Variants in PLXNA4 observed in about 807,000 individuals in gnomAD.
PLXNA4 encodes the protein plexin-A4.
PLXNA4 carries 44 observed loss-of-function variants against 191.8 expected under a neutral mutation model. The observed-to-expected ratio is 0.23, with a 90% confidence interval of 0.18 to 0.29. The LOEUF is 0.29. PLXNA4 is among the 10% of genes least tolerant of loss of function. PLXNA4 has a pLI of 1.00. For synonymous variants in PLXNA4, 1,082 were observed against 1,009.5 expected (o/e 1.07, Z -1.36); for missense variants, 1,800 against 2,488.8 (o/e 0.72, Z 5.89).
intron 25 of PLXNA4, among the ~76,000 whole-genome samples, chr7:132,154,281 C>T (rs1401582585): frequency 6.6e-6 from 1 of 152,142 alleles, no homozygotes; most frequent in Non-Finnish European, 1.5e-5. Flanking sequence ...CCTTCAACAC[C>T]TGGCCACGCT....
intron 3 of PLXNA4, among the ~76,000 whole-genome samples, chr7:132,486,078 G>A (rs939344227): frequency 6.6e-6 from 1 of 151,962 alleles, no homozygotes; most frequent in Non-Finnish European, 1.5e-5. Context: ...CCAGTCTCTT[G>A]TCATACCGTA....
rs575280402 is a variant in PLXNA4 at position 132,166,707 on chromosome 7, C to T, written c.4287-1507G>A. Reference sequence around the variant, plus strand: ...GCAAGAGCATCCAGGAGAACAGGAACGGAAAACAAGGGGAGGAGACACAGA... The same window carrying T: ...GCAAGAGCATCCAGGAGAACAGGAATGGAAAACAAGGGGAGGAGACACAGA... On this transcript the variant is annotated intron_variant, in intron 22 of 31. Coordinates refer to ENST00000321063, the MANE Select transcript of PLXNA4 (RefSeq NM_020911.2). Among the ~76,000 whole-genome samples the T allele has an allele frequency of 1.1e-3, 168 of 150,568 alleles. 1 individual carries two copies. Among genetic ancestry groups the T allele is most frequent in the Non-Finnish European group, 1.9e-3 (128 of 67,870 alleles).
At position 132,441,652 on chromosome 7, in the gene PLXNA4, G is replaced by A. The variant is rs552656006; in HGVS notation, c.1371+47640C>T. 7.2e-5 allele frequency among the ~76,000 whole-genome samples: 11 copies of A among 152,136 alleles called. No individual in the cohort carries two copies. In the South Asian group the frequency reaches 1.9e-3, roughly 26 times the overall value. On this transcript the variant is annotated intron_variant, in intron 3 of 31. Transcript: ENST00000321063. ...GAATTCTTTTTTAAACCCTGCATTC[G>A]GAGTCTATTTCATGCCTTTTTACAT...
At chr7:132,544,071 A>C (rs76631125) in intron 1 of PLXNA4, among the ~76,000 whole-genome samples, 64 of 152,356 alleles carry the variant, frequency 4.2e-4, no homozygotes, top group Non-Finnish European at 5.7e-4. Flanking sequence ...TTTGCCCATT[A>C]ACTGAGAGTG....
intron 14 of PLXNA4, 105 bp downstream of exon 14, chr7:132,193,957 G>C (rs895109837): frequency 2.1e-6 from 3 of 1,428,362 alleles, no homozygotes; most frequent in Non-Finnish European, 2.8e-6. Flanking sequence ...TTGCAGGGCA[G>C]GCCCTTGCCC....
chr7:132,174,651 G>A, intron 21 of PLXNA4, 127 bp downstream of exon 21: 1 of 1,429,686 alleles, frequency 7.0e-7, no homozygotes. Flanking sequence ...TGACAATCTG[G>A]GGGACCTTGG....
chr7:132,451,134 G>A (rs918785464), intron 3 of PLXNA4, among the ~76,000 whole-genome samples: 12 of 152,160 alleles, frequency 7.9e-5, no homozygotes, highest in African/African-American at 2.2e-4. Context: ...AGGAAGGAGC[G>A]TGAGGCCAGG....
At chr7:132,383,990 G>A in intron 3 of PLXNA4, 1 of 985,402 alleles carries the variant, frequency 1.0e-6, no homozygotes, top group Non-Finnish European at 1.2e-6. Flanking sequence ...TCCCTATGCA[G>A]GTGCACATGG....
intron 2 of PLXNA4, among the ~76,000 whole-genome samples, chr7:132,586,458 T>C (rs1398793605): frequency 1.3e-5 from 2 of 152,224 alleles, no homozygotes; most frequent in Admixed American, 6.5e-5. Flanking sequence ...TTTGAAAATA[T>C]ATGGCACTCA....
chr7:132,162,454 T>G (rs1795979106), intron 24 of PLXNA4, among the ~76,000 whole-genome samples: 1 of 152,176 alleles, frequency 6.6e-6, no homozygotes, highest in Non-Finnish European at 1.5e-5. Flanking sequence ...CTGTGGCCTC[T>G]GGAACAAAGG....
rs759964746 is a variant in PLXNA4, at chr7:132,489,304, G to A, written c.1359C>T (p.Gly453=). ...HSLAFVGTKS[G]KLKKIRVDGP... ...ACCTCATTCCTACCTTCTTCAGCTTGCCACTTTTGGTGCCCACAAAGGCCA... is the reference window on the plus strand; with the variant it reads ...ACCTCATTCCTACCTTCTTCAGCTTACCACTTTTGGTGCCCACAAAGGCCA... The change falls in exon 3 of 32, where the codon GGC becomes GGT. Residue 453 remains glycine (G), a synonymous_variant. Transcript: ENST00000321063. The A allele has an allele frequency of 3.8e-6, 6 of 1,584,028 alleles. No homozygotes were observed.
At chr7:132,418,948 AC>A (rs1794754617) in intron 3 of PLXNA4, among the ~76,000 whole-genome samples, 1 of 152,116 alleles carries the variant, frequency 6.6e-6, no homozygotes, top group Non-Finnish European at 1.5e-5. Context: ...TGTATCCGTG[AC>A]ACTTTTGGCA....
At chr7:132,299,023 C>T (rs1255560901) in intron 3 of PLXNA4, among the ~76,000 whole-genome samples, 5 of 152,238 alleles carry the variant, frequency 3.3e-5, no homozygotes, top group African/African-American at 1.2e-4. Context: ...ATGAGCTTTC[C>T]AACCCTACAT....
In PLXNA4 at chr7:132,181,390, G is replaced by A; in HGVS notation, c.3483C>T (p.Ile1161=). 6.2e-7 allele frequency: 1 copy of A among 1,610,036 alleles called. No homozygotes were observed. The highest frequency in any genetic ancestry group is 8.5e-7 in the Non-Finnish European group (1 of 1,177,582). Residue 1161 remains isoleucine, a synonymous_variant, in exon 18 of 32, where the codon ATC becomes ATT. Transcript: ENST00000321063. The stretch of plus-strand genomic sequence containing the variant: ...ACCACCCTCACTCCACCTTTAGGAT[G>A]ATGGGCGTGCCAGGCTTGAGCTCCA... ...GILELKPGTP[I]ILKGKNLIPP...
chr7:132,594,810 C>G (rs2116831326), intron 2 of PLXNA4, among the ~76,000 whole-genome samples: 1 of 152,252 alleles, frequency 6.6e-6, no homozygotes, highest in South Asian at 2.1e-4. Flanking sequence ...TCTTCAGGCA[C>G]TGAGCCCTGG....
intron 3 of PLXNA4, among the ~76,000 whole-genome samples, 175 bp downstream of exon 3, chr7:132,489,117 G>A (rs574435752): frequency 2.6e-5 from 4 of 152,308 alleles, no homozygotes; most frequent in Middle Eastern, 3.4e-3. Flanking sequence ...CCTCAGCACA[G>A]AGGCAGAGAA....
intron 25 of PLXNA4, 145 bp from the exon 26 acceptor site, chr7:132,148,791 G>A (rs1403011966): frequency 5.3e-6 from 7 of 1,326,676 alleles, no homozygotes; most frequent in Non-Finnish European, 7.0e-6. Flanking sequence ...AAAATGGAGT[G>A]CCAAAGCTCT....
intron 3 of PLXNA4, among the ~76,000 whole-genome samples, chr7:132,410,411 A>T (rs1002024789): frequency 6.6e-6 from 1 of 152,178 alleles, no homozygotes. Context: ...AAGCACAGAG[A>T]TGTGAAGCTG....
intron 25 of PLXNA4, among the ~76,000 whole-genome samples, chr7:132,151,616 G>A (rs1426141321): frequency 6.7e-6 from 1 of 148,690 alleles, no homozygotes; most frequent in Non-Finnish European, 1.5e-5. Flanking sequence ...GGGAGGGGGA[G>A]AAGGGGAAGG....
Sources: gnomAD v4.1 joint callset for allele counts (sites outside exome capture counted in the v4.1 genomes callset) on GRCh38, gnomAD v4.1.1 for gene constraint, MANE v1.5 for transcripts, NCBI Gene and HGNC (gene_info 2026-07-23, HGNC 2026-07-21) for gene names.